The following SCIN variants were observed in gnomAD, a reference collection of about 807,000 sequenced individuals.
SCIN encodes adseverin.
In SCIN, 91 loss-of-function variants were observed where a neutral mutation model predicts 91.8. That is an observed-to-expected ratio of 0.99 (90% CI 0.84 to 1.18). SCIN has a LOEUF of 1.18. SCIN is among the 50% of genes most tolerant of loss of function. The pLI is 0.00. For synonymous variants in SCIN, 367 were observed against 312.6 expected (o/e 1.17, Z -1.84); for missense variants, 1,087 against 863.9 (o/e 1.26, Z -3.24).
At chr7:12,645,236 T>C (rs981716374) in intron 13 of SCIN, among the ~76,000 whole-genome samples, 1 of 151,856 alleles carries the variant, frequency 6.6e-6, no homozygotes, top group African/African-American at 2.4e-5. Flanking sequence ...GGAGAATCTC[T>C]TGAACCCAGG....
chr7:12,592,938 G>T (rs1168803653), intron 3 of SCIN, among the ~76,000 whole-genome samples: 1 of 152,188 alleles, frequency 6.6e-6, no homozygotes, highest in African/African-American at 2.4e-5. Context: ...CGGGAGCCGG[G>T]GCCCAGGGGC....
At chr7:12,586,251 T>C (rs543447862) in intron 3 of SCIN, among the ~76,000 whole-genome samples, 4 of 152,288 alleles carry the variant, frequency 2.6e-5, no homozygotes, top group Admixed American at 2.0e-4. Flanking sequence ...ATTCTCAAGC[T>C]CCTATTTCCC....
intron 7 of SCIN, 175 bp from the exon 8 acceptor site, chr7:12,626,409 T>C (rs1783522586): frequency 5.2e-6 from 3 of 576,352 alleles, no homozygotes; most frequent in Non-Finnish European, 6.1e-6. Flanking sequence ...TCTCAAATAT[T>C]CAAATTCAGC....
At chr7:12,588,808 T>TGGGGGGGGGGGGTGGGGGGGGGGG (rs1782647214) in intron 3 of SCIN, 1 of 7,974 alleles carries the variant, frequency 1.3e-4, no homozygotes. Context: ...CTGCATTGGG[T>TGGGGGGGGGGGGTGGGGGGGGGGG]GGGGGGGGGG....
At chr7:12,590,216 A>T (rs1782689124) in intron 3 of SCIN, among the ~76,000 whole-genome samples, 1 of 152,150 alleles carries the variant, frequency 6.6e-6, no homozygotes. Flanking sequence ...AAATGCTTCT[A>T]CCCACCTAGA....
rs1782250476 is a variant in SCIN at position 12,570,835 on chromosome 7, G to A, written c.49G>A (p.Ala17Thr). The change falls in exon 1 of 16, where the codon GCG becomes ACG. Residue 17 changes from alanine (A) to threonine (T), a missense_variant. Physicochemically the swap from Ala to Thr is moderately conservative, Grantham distance 58. Coordinates refer to ENST00000297029, the MANE Select transcript of SCIN (RefSeq NM_001112706.3). ...AGAGTTCGCCCGGGCGGGCAAGCAG[G>A]CGGGGCTGCAGGTCTGGAGGATTGA... ...HEEFARAGKQ[A>T]GLQVWRIEKL... 3 of 1,551,500 alleles carry A rather than the reference G, an allele frequency of 1.9e-6. No individual in the cohort carries two copies. The highest frequency in any genetic ancestry group is 2.6e-6 in the Non-Finnish European group (3 of 1,146,994).
rs1448826987 is a variant in SCIN at position 12,654,070 on chromosome 7, A to G, written c.*1355A>G. ...GAACCCATGGAAAGAACTTTGCCTC[A>G]TGTAGAGATTCTAGATTCTTAGCCA... is the stretch of plus-strand genomic sequence containing the variant. On this transcript the variant is annotated 3_prime_UTR_variant, in exon 16 of 16. Coordinates refer to ENST00000297029, the MANE Select transcript of SCIN (RefSeq NM_001112706.3). 1.3e-5 allele frequency: 2 copies of G among 152,176 alleles called. No homozygotes were observed. Among genetic ancestry groups the G allele is most frequent in the Non-Finnish European group, 2.9e-5 (2 of 68,014 alleles). The allele number at this position is 152,176 out of a possible 1,614,324, so 9.4% of individuals were successfully genotyped here. A position where few individuals can be genotyped will look rare whatever the true frequency, so the allele number is the denominator to read the frequency against.
chr7:12,644,329 G>A lies in SCIN; in HGVS notation c.1759+14G>A. 1.3e-6 allele frequency: 2 copies of A among 1,569,444 alleles called. No homozygotes were observed. The highest frequency in any genetic ancestry group is 1.7e-6 in the Non-Finnish European group (2 of 1,157,156). On this transcript the variant is annotated intron_variant, in intron 12 of 15. Coordinates refer to ENST00000297029, the MANE Select transcript of SCIN (RefSeq NM_001112706.3). ...GCGAGGAGCCAGGTGTGTGCTCTGG[G>A]GCCAAGGGCACTAACTAGAATTTAT...
intron 3 of SCIN, among the ~76,000 whole-genome samples, chr7:12,595,248 A>G (rs553234891): frequency 6.6e-6 from 1 of 152,074 alleles, no homozygotes; most frequent in East Asian, 1.9e-4. Context: ...GGGCAGAGAG[A>G]CCCTGGGGTT....
chr7:12,582,586 A>G (rs1782509481), intron 3 of SCIN, among the ~76,000 whole-genome samples: 1 of 152,168 alleles, frequency 6.6e-6, no homozygotes, highest in African/African-American at 2.4e-5. Context: ...GTAGACATCT[A>G]CACCCTAAAT....
intron 2 of SCIN, among the ~76,000 whole-genome samples, chr7:12,578,430 G>A (rs1015087908): frequency 5.3e-5 from 8 of 152,152 alleles, no homozygotes; most frequent in African/African-American, 1.9e-4. Context: ...GGTACAATAT[G>A]TGAAATATTG....
rs116359020 is a variant in SCIN at position 12,645,491 on chromosome 7, T to C, written c.1881+786T>C. Among the ~76,000 whole-genome samples the C allele has an allele frequency of 8.3e-3, 1,259 of 152,286 alleles. 20 individuals carry two copies. Among genetic ancestry groups the C allele is most frequent in the African/African-American group, 0.028 (1,173 of 41,548 alleles). Reference sequence around the variant, plus strand: ...ACCTTTGCTCTACACAGGGTATTTTTTTTAAACTTTTATTTTAAGTTCAGG... The same window carrying C: ...ACCTTTGCTCTACACAGGGTATTTTCTTTAAACTTTTATTTTAAGTTCAGG... On this transcript the variant is annotated intron_variant, in intron 13 of 15. Coordinates refer to ENST00000297029, the MANE Select transcript of SCIN (RefSeq NM_001112706.3).
intron 4 of SCIN, among the ~76,000 whole-genome samples, chr7:12,613,091 T>C (rs914509979): frequency 6.6e-6 from 1 of 152,174 alleles, no homozygotes; most frequent in East Asian, 1.9e-4. Flanking sequence ...GATGGATCTT[T>C]GCCCCACAAG....
intron 3 of SCIN, among the ~76,000 whole-genome samples, chr7:12,599,528 A>C (rs1362686182): frequency 1.3e-5 from 2 of 152,152 alleles, no homozygotes; most frequent in African/African-American, 4.8e-5. Flanking sequence ...TCTTCTGGAT[A>C]GATACCTATT....
At chr7:12,586,580 G>A (rs1583278954) in intron 3 of SCIN, among the ~76,000 whole-genome samples, 1 of 152,160 alleles carries the variant, frequency 6.6e-6, no homozygotes, top group East Asian at 1.9e-4. Flanking sequence ...CCACTACTGG[G>A]TATTTATCTA....
chr7:12,598,155 T>C (rs1358935621), intron 3 of SCIN, among the ~76,000 whole-genome samples: 1 of 152,224 alleles, frequency 6.6e-6, no homozygotes, highest in East Asian at 1.9e-4. Context: ...ATACATAAAA[T>C]AACTTAGATT....
chr7:12,625,601 T>A (rs1280579148), intron 6 of SCIN, among the ~76,000 whole-genome samples, 161 bp from the exon 7 acceptor site: 1 of 152,036 alleles, frequency 6.6e-6, no homozygotes, highest in African/African-American at 2.4e-5. Flanking sequence ...AGTGCTAGGA[T>A]TACAGGCGTG....
intron 4 of SCIN, among the ~76,000 whole-genome samples, chr7:12,620,783 A>G (rs1783391129): frequency 1.3e-5 from 2 of 152,162 alleles, no homozygotes; most frequent in Admixed American, 1.3e-4. Context: ...AATTTTGTAG[A>G]AAATAAGTTC....
chr7:12,622,731 G>A (rs1249283721), intron 4 of SCIN, 70 bp from the exon 5 acceptor site: 3 of 1,036,794 alleles, frequency 2.9e-6, no homozygotes, highest in African/African-American at 1.6e-5. Context: ...CTTTATAAGT[G>A]TATTTTTCTA....
Sources: allele counts gnomAD v4.1 joint callset (sites outside exome capture counted in the v4.1 genomes callset), GRCh38; gene constraint gnomAD v4.1.1; transcripts MANE v1.5; gene names NCBI Gene and HGNC (gene_info 2026-07-23, HGNC 2026-07-21).